The following DLGAP1 variants were observed in gnomAD, a reference collection of about 807,000 sequenced individuals.
The protein encoded by DLGAP1 is disks large-associated protein 1.
In DLGAP1, 11 loss-of-function variants were observed where a neutral mutation model predicts 90.8. That is an observed-to-expected ratio of 0.12 (90% CI 0.08 to 0.20). The LOEUF (loss-of-function observed/expected upper bound fraction) is 0.20. Ranked by LOEUF, DLGAP1 falls within the 10% of genes least tolerant of loss-of-function variation. The pLI is 1.00. For missense variants in DLGAP1, 1,050 were observed against 1,333.8 expected, an observed-to-expected ratio of 0.79 and a Z score of 3.31; for synonymous variants, 558 against 540.7, an observed-to-expected ratio of 1.03 and a Z score of -0.44.
chr18:3,880,454 A>G (rs2071126256), intron 3 of DLGAP1, among the ~76,000 whole-genome samples: 1 of 152,064 alleles, frequency 6.6e-6, no homozygotes, highest in South Asian at 2.1e-4. Context: ...CTGGGATTAC[A>G]GGCGTGAGCA....
intron 3 of DLGAP1, among the ~76,000 whole-genome samples, chr18:3,903,059 C>T (rs2071818742): frequency 6.6e-6 from 1 of 152,180 alleles, no homozygotes; most frequent in Admixed American, 6.5e-5. Context: ...TAAGATATTC[C>T]TTTAGCGCCC....
At chr18:3,513,215 CA>C (rs1280559894) in intron 10 of DLGAP1, among the ~76,000 whole-genome samples, 1 of 152,210 alleles carries the variant, frequency 6.6e-6, no homozygotes, top group Non-Finnish European at 1.5e-5. Flanking sequence ...CCTTCTTTTT[CA>C]AAGCTGAATA....
At chr18:4,432,604 G>A (rs868613564) in intron 1 of DLGAP1, among the ~76,000 whole-genome samples, 2 of 151,268 alleles carry the variant, frequency 1.3e-5, no homozygotes, top group Non-Finnish European at 2.9e-5. Context: ...GTGTGTGTGT[G>A]TGTGTGTGTG....
intron 7 of DLGAP1, among the ~76,000 whole-genome samples, chr18:3,633,581 A>G (rs2058596763): frequency 6.6e-6 from 1 of 152,174 alleles, no homozygotes; most frequent in Non-Finnish European, 1.5e-5. Context: ...GGATTTTTTA[A>G]AAGTTTAGAA....
intron 4 of DLGAP1, among the ~76,000 whole-genome samples, chr18:3,857,038 T>C (rs983014237): frequency 7.9e-5 from 12 of 152,246 alleles, no homozygotes; most frequent in Middle Eastern, 3.4e-3. Flanking sequence ...CAGTATGTAG[T>C]ATGAAGAAGA....
intron 2 of DLGAP1, among the ~76,000 whole-genome samples, chr18:4,068,189 G>A (rs925723900): frequency 6.6e-6 from 1 of 151,066 alleles, no homozygotes; most frequent in Non-Finnish European, 1.5e-5. Context: ...TTCAATCATT[G>A]CCTCCTCAAT....
At chr18:4,421,762 G>T (rs2083040106) in intron 1 of DLGAP1, among the ~76,000 whole-genome samples, 1 of 152,116 alleles carries the variant, frequency 6.6e-6, no homozygotes, top group Admixed American at 6.5e-5. Flanking sequence ...AGGCTGGAGT[G>T]CAGTAGCGGG....
rs142391522 is a variant in DLGAP1 at position 4,304,996 on chromosome 18, A to G, written c.-267+150010T>C. On this transcript the variant is annotated intron_variant, in intron 1 of 12. Transcript: ENST00000315677. ...TTATTCATTAAAAGTCATTCCTAACATTGTATGTTACTCTCCTTGCCCACT... is the reference window on the plus strand; with the variant it reads ...TTATTCATTAAAAGTCATTCCTAACGTTGTATGTTACTCTCCTTGCCCACT... Among the ~76,000 whole-genome samples the G allele has an allele frequency of 8.5e-3, 1,286 of 152,174 alleles. 23 individuals carry two copies. Among genetic ancestry groups the G allele is most frequent in the African/African-American group, 0.029 (1,201 of 41,544 alleles).
chr18:4,187,096 T>C (rs932226210), intron 1 of DLGAP1, among the ~76,000 whole-genome samples: 7 of 152,210 alleles, frequency 4.6e-5, no homozygotes, highest in African/African-American at 1.4e-4. Flanking sequence ...TTTTGTACGT[T>C]GATTTTGCAT....
intron 1 of DLGAP1, among the ~76,000 whole-genome samples, chr18:4,450,086 C>T (rs1476713368): frequency 6.6e-6 from 1 of 152,170 alleles, no homozygotes; most frequent in Non-Finnish European, 1.5e-5. Flanking sequence ...AGTGAATGTG[C>T]CTTGTCTTTT....
chr18:4,072,583 C>T (rs1414207155), intron 2 of DLGAP1, among the ~76,000 whole-genome samples: 1 of 152,004 alleles, frequency 6.6e-6, no homozygotes, highest in Non-Finnish European at 1.5e-5. Flanking sequence ...GATTCTTCTG[C>T]CTCAGCCTCC....
chr18:4,371,145 T>A (rs1191462199), intron 1 of DLGAP1, among the ~76,000 whole-genome samples: 3 of 152,262 alleles, frequency 2.0e-5, no homozygotes, highest in Non-Finnish European at 4.4e-5. Flanking sequence ...TAAGTACATT[T>A]GCAGGTGTCT....
chr18:3,926,387 G>A (rs1324253918), intron 3 of DLGAP1, among the ~76,000 whole-genome samples: 1 of 145,274 alleles, frequency 6.9e-6, no homozygotes, highest in African/African-American at 2.6e-5. Context: ...AGACTCACTA[G>A]TGTAAGCAAA....
At chr18:3,965,789 A>C (rs1402125390) in intron 3 of DLGAP1, among the ~76,000 whole-genome samples, 1 of 151,926 alleles carries the variant, frequency 6.6e-6, no homozygotes, top group Non-Finnish European at 1.5e-5. Flanking sequence ...CTCTACTAAA[A>C]ATACAAAAAT....
At position 3,719,512 on chromosome 18, in the gene DLGAP1, G is replaced by A. The variant is rs778013399; in HGVS notation, c.1591+9623C>T. Among the ~76,000 whole-genome samples, 6 of 144,510 alleles carry A rather than the reference G, an allele frequency of 4.2e-5. No individual in the cohort carries two copies. In the East Asian group the frequency reaches 6.1e-4, roughly 15 times the overall value. 94.8% of individuals were successfully genotyped at this position (144,510 alleles called of 152,430 possible). On this transcript the variant is annotated intron_variant, in intron 7 of 12. Transcript: ENST00000315677. ...GCAGAGCTTGCAGTGAGCTGAGAGC[G>A]CGCCACTGCACTCCAGCCTGGGCGA... is the stretch of plus-strand genomic sequence containing the variant.
At chr18:3,863,870 C>T (rs1460993235) in intron 4 of DLGAP1, among the ~76,000 whole-genome samples, 1 of 152,210 alleles carries the variant, frequency 6.6e-6, no homozygotes, top group Non-Finnish European at 1.5e-5. Context: ...GAAATGCTGC[C>T]CAGAGGTTAA....
chr18:4,309,699 G>A (rs957952609), intron 1 of DLGAP1, among the ~76,000 whole-genome samples: 6 of 152,080 alleles, frequency 3.9e-5, no homozygotes, highest in Non-Finnish European at 5.9e-5. Context: ...TGACAGCTTC[G>A]GATTTCTAGG....
chr18:3,555,427 T>TA (rs5822765), intron 9 of DLGAP1, among the ~76,000 whole-genome samples: 14,733 of 152,082 alleles, frequency 0.097, 1,009 homozygotes, highest in African/African-American at 0.2. Context: ...AGTTCAACTT[T>TA]AAAAAATAAT....
chr18:3,720,895 A>AAAAAAAAAAAG (rs1555640990), intron 7 of DLGAP1, among the ~76,000 whole-genome samples: 22 of 140,484 alleles, frequency 1.6e-4, no homozygotes, highest in Middle Eastern at 3.6e-3. Flanking sequence ...CTACAAAAAA[A>AAAAAAAAAAAG]AAAAAAAAAA....
Sources: allele counts gnomAD v4.1 joint callset (sites outside exome capture counted in the v4.1 genomes callset), GRCh38; gene constraint gnomAD v4.1.1; transcripts MANE v1.5; gene names NCBI Gene and HGNC (gene_info 2026-07-23, HGNC 2026-07-21).